The following UBXN6 variants were observed in gnomAD, a reference collection of about 807,000 sequenced individuals.
The protein encoded by UBXN6 is UBX domain-containing protein 6.
UBXN6 carries 44 observed loss-of-function variants against 51.4 expected under a neutral mutation model. That is an observed-to-expected ratio of 0.86 (90% confidence interval 0.67 to 1.10). UBXN6 has a LOEUF of 1.10. Among genes scored for constraint, UBXN6 ranks in the 50% least tolerant of loss-of-function variants. The pLI, the probability that UBXN6 is intolerant of heterozygous loss-of-function variation, is 0.00. For missense variants in UBXN6, 672 were observed against 596.1 expected, an observed-to-expected ratio of 1.13 and a Z score of -1.32; for synonymous variants, 316 against 263.2, an observed-to-expected ratio of 1.20 and a Z score of -1.94.
In UBXN6 at chr19:4,445,549, C is replaced by A. The variant is rs200744680; in HGVS notation, c.1275G>T (p.Pro425=). Residue 425 remains proline (P), a synonymous_variant, in exon 11 of 11, where the codon CCG becomes CCT. Coordinates refer to ENST00000301281, the MANE Select transcript of UBXN6 (RefSeq NM_025241.3). ...GGAGCTCGGGTTTCAGGATGGAGTC[C>A]GGCTCGGCCCCCGCGGCCTTGATGT... ...LEDIKAAGAE[P]DSILKPELLS... 6.2e-7 allele frequency: 1 copy of A among 1,613,856 alleles called. No homozygotes were observed. The highest frequency in any genetic ancestry group is 8.5e-7 in the Non-Finnish European group (1 of 1,179,992).
Position 4,453,956 on chromosome 19 carries a change from G to T in UBXN6, c.221C>A (p.Thr74Lys). The change falls in exon 2 of 11, where the codon ACA becomes AAA. Residue 74 changes from threonine (T) to lysine (K), a missense_variant. Coordinates refer to ENST00000301281, the MANE Select transcript of UBXN6 (RefSeq NM_025241.3). ...EQKQSRAWGP[T>K]SQDTIRNQVR... ...CTGGTTTCGGATGGTGTCCTGCGAT[G>T]TGGGGCCCCAGGCCCGGGACTGCTT... is the stretch of plus-strand genomic sequence containing the variant. The T allele has an allele frequency of 6.2e-7, 1 of 1,611,062 alleles. No homozygotes were observed.
At position 4,457,741 on chromosome 19, in the gene UBXN6, G is replaced by C; in HGVS notation, c.-44C>G. 7.4e-7 allele frequency: 1 copy of C among 1,353,468 alleles called. No homozygotes were observed. The highest frequency in any genetic ancestry group is 2.3e-5 in the Admixed American group (1 of 43,124). The allele number at this position is 1,353,468 out of a possible 1,614,324, so 83.8% of individuals were successfully genotyped here. On this transcript the variant is annotated 5_prime_UTR_variant, in exon 1 of 11. Coordinates refer to ENST00000301281, the MANE Select transcript of UBXN6 (RefSeq NM_025241.3). ...GGCGGGGGGCCGCGGGGGCGGGGGGGCACGGGGCCCAGTCGGGGACGGGGC... is the reference window on the plus strand; with the variant it reads ...GGCGGGGGGCCGCGGGGGCGGGGGGCCACGGGGCCCAGTCGGGGACGGGGC...
chr19:4,457,628 T>G lies in UBXN6; in HGVS notation c.70A>C (p.Lys24Gln), dbSNP rs1341381581. ...TTCCTCACGCACCCCACGGACTCTT[T>G]GAGCTTCTGACCGGGTCCCGCGCTC... ...FKSAGPGQKL[K>Q]ESVGEKAHKE... Residue 24 changes from lysine (K) to glutamine (Q), a missense_variant, in exon 1 of 11, where the codon AAA becomes CAA. Lys to Gln is a moderately conservative substitution (Grantham distance 53). Transcript: ENST00000301281. 1.4e-5 allele frequency: 23 copies of G among 1,597,030 alleles called. No homozygotes were observed. The highest frequency in any genetic ancestry group is 2.0e-5 in the Non-Finnish European group (23 of 1,172,668).
At position 4,446,683 on chromosome 19, in the gene UBXN6, G is replaced by C. The variant is rs200898701; in HGVS notation, c.737C>G (p.Thr246Ser). ...CTCCAGGCTCTGGGGCTGGGCCAAG[G>C]TGGTCTCGCTCAGCACGTAGAACTC... is the stretch of plus-strand genomic sequence containing the variant. The part of the protein sequence containing the change: ...PEEFYVLSET[T>S]LAQPQSLERH... Residue 246 changes from threonine to serine, a missense_variant, in exon 8 of 11, where the codon ACC becomes AGC. By Grantham distance (58) the Thr-to-Ser change is moderately conservative. Coordinates refer to ENST00000301281, the MANE Select transcript of UBXN6 (RefSeq NM_025241.3). 30 of 1,611,512 alleles carry C rather than the reference G, an allele frequency of 1.9e-5. No homozygotes were observed. In the African/African-American group the frequency reaches 4.0e-4, roughly 22 times the overall value.
In UBXN6 at chr19:4,447,540, G is replaced by A. The variant is rs371133685; in HGVS notation, c.615+10C>T. On this transcript the variant is annotated intron_variant, in intron 6 of 10. Coordinates refer to ENST00000301281, the MANE Select transcript of UBXN6 (RefSeq NM_025241.3). ...CAGCCTGGGCCCCGGGGGCCAGAAG[G>A]CACGCCCACCTGAAACACCTTGTTC... is the stretch of plus-strand genomic sequence containing the variant. 14 of 1,613,110 alleles carry A rather than the reference G, an allele frequency of 8.7e-6. No individual in the cohort carries two copies. In the African/African-American group the frequency reaches 1.7e-4, roughly 20 times the overall value.
chr19:4,457,311 G>GC (rs1974752261), intron 1 of UBXN6, among the ~76,000 whole-genome samples: 1 of 28,550 alleles, frequency 3.5e-5, no homozygotes, highest in African/African-American at 1.5e-4. Flanking sequence ...CTGCGGCCCC[G>GC]CCCCCGAGAC....
chr19:4,447,755 G>A, intron 5 of UBXN6, 130 bp from the exon 6 acceptor site: 1 of 897,364 alleles, frequency 1.1e-6, no homozygotes, highest in South Asian at 1.4e-5. Context: ...GCGGCCCAGT[G>A]ACGCGAGGGC....
chr19:4,448,260 G>A, intron 5 of UBXN6, 58 bp downstream of exon 5: 4 of 1,458,750 alleles, frequency 2.7e-6, no homozygotes, highest in Non-Finnish European at 2.8e-6. Flanking sequence ...AGCCCCAGTG[G>A]GAGGGGTGCT....
chr19:4,457,249 C>T (rs1974751319), intron 1 of UBXN6, among the ~76,000 whole-genome samples: 1 of 151,540 alleles, frequency 6.6e-6, no homozygotes, highest in African/African-American at 2.4e-5. Flanking sequence ...CACTGACCCC[C>T]AACTGCCTAC....
chr19:4,448,234 G>A, intron 5 of UBXN6, 84 bp downstream of exon 5: 4 of 1,257,378 alleles, frequency 3.2e-6, no homozygotes, highest in Non-Finnish European at 4.5e-6. Flanking sequence ...GTAATGAGGG[G>A]GCCAGAGGGG....
intron 10 of UBXN6, 181 bp downstream of exon 10, chr19:4,445,868 A>C: frequency 1.8e-6 from 2 of 1,086,908 alleles, no homozygotes; most frequent in Non-Finnish European, 2.6e-6. Context: ...GGCGTGGAGT[A>C]GTTATGAACT....
intron 10 of UBXN6, 132 bp downstream of exon 10, chr19:4,445,917 T>C: frequency 7.1e-7 from 1 of 1,418,344 alleles, no homozygotes; most frequent in Non-Finnish European, 9.4e-7. Flanking sequence ...GAAAGCAGGA[T>C]TCAAACCCAG....
intron 9 of UBXN6, 33 bp downstream of exon 9, chr19:4,446,250 G>A (rs376542939): frequency 6.9e-5 from 108 of 1,571,006 alleles, no homozygotes; most frequent in African/African-American, 8.1e-5. Flanking sequence ...CTACCAACCC[G>A]AGCCGCCCTC....
intron 8 of UBXN6, 22 bp downstream of exon 8, chr19:4,446,478 G>C: frequency 6.3e-7 from 1 of 1,597,178 alleles, no homozygotes; most frequent in Non-Finnish European, 8.5e-7. Flanking sequence ...GCCCCACTCT[G>C]CTCCGCGGAC....
Position 4,454,072 on chromosome 19 carries a change from C to T in UBXN6, c.105G>A (p.Lys35=). The T allele has an allele frequency of 6.4e-7, 1 of 1,568,142 alleles. No homozygotes were observed. The highest frequency in any genetic ancestry group is 8.6e-7 in the Non-Finnish European group (1 of 1,161,124). The part of the protein sequence containing the change: ...ESVGEKAHKE[K]PNQPAPRPPR... Reference sequence around the variant, plus strand: ...GCGGCCTGGGGGCTGGCTGGTTGGGCTTCTCTTTGTGGGCCTTTTCCCTGG... The same window carrying T: ...GCGGCCTGGGGGCTGGCTGGTTGGGTTTCTCTTTGTGGGCCTTTTCCCTGG... Residue 35 remains lysine, a synonymous_variant, in exon 2 of 11, where the codon AAG becomes AAA. Transcript: ENST00000301281.
At position 4,446,531 on chromosome 19, in the gene UBXN6, C is replaced by A; in HGVS notation, c.889G>T (p.Ala297Ser). Residue 297 changes from alanine (A) to serine (S), a missense_variant, in exon 8 of 11, where the codon GCA (alanine) becomes TCA (serine). Coordinates refer to ENST00000301281, the MANE Select transcript of UBXN6 (RefSeq NM_025241.3). ...CTCTGCTCCCGCTTGATCTCCTCTG[C>A]TGTGAGGTTGAAGAAGTCCCCAGGC... ...ELPGDFFNLT[A>S]EEIKREQRLR... 1.2e-6 allele frequency: 2 copies of A among 1,611,840 alleles called. No individual in the cohort carries two copies. The highest frequency in any genetic ancestry group is 1.7e-6 in the Non-Finnish European group (2 of 1,179,862).
Position 4,457,567 on chromosome 19 carries a change from G to A in UBXN6, c.83+48C>T, listed in dbSNP as rs372222159. 1.1e-4 allele frequency: 165 copies of A among 1,471,528 alleles called. 3 individuals carry two copies. Among genetic ancestry groups the A allele is most frequent in the South Asian group, 6.5e-4 (55 of 84,786 alleles). 91.2% of individuals were successfully genotyped at this position (1,471,528 alleles called of 1,614,324 possible). Reference sequence around the variant, plus strand: ...CCCAAGGCCCCAGATCTCTCTCCCCGGCCGTCCCCGCCCCGCAGGGCCTCA... The same window carrying A: ...CCCAAGGCCCCAGATCTCTCTCCCCAGCCGTCCCCGCCCCGCAGGGCCTCA... On this transcript the variant is annotated intron_variant, in intron 1 of 10. Transcript: ENST00000301281.
At chr19:4,456,821 C>A (rs1235195758) in intron 1 of UBXN6, among the ~76,000 whole-genome samples, 1 of 152,114 alleles carries the variant, frequency 6.6e-6, no homozygotes, top group East Asian at 1.9e-4. Flanking sequence ...CTGTCTCACC[C>A]GTCTTCTCCT....
At chr19:4,457,798 A>AT (rs1158677941), upstream of UBXN6, 511 of 108,822 alleles carry the variant, frequency 4.7e-3, 25 homozygotes, top group African/African-American at 0.021. Context: ...AGAAAATTAA[A>AT]AAAAAAAAAA....
Sources: allele counts gnomAD v4.1 joint callset (sites outside exome capture counted in the v4.1 genomes callset), GRCh38; gene constraint gnomAD v4.1.1; transcripts MANE v1.5; gene names NCBI Gene and HGNC (gene_info 2026-07-23, HGNC 2026-07-21).